The following FBLN2 variants were observed in gnomAD, a reference collection of about 807,000 sequenced individuals.
The protein encoded by FBLN2 is fibulin 2.
FBLN2 carries 81 observed loss-of-function variants against 123.7 expected under a neutral mutation model. That is an observed-to-expected ratio of 0.65 (90% confidence interval 0.55 to 0.79). The LOEUF is 0.79. Among genes scored for constraint, FBLN2 ranks in the 30% least tolerant of loss-of-function variants. The pLI is 0.00. For missense variants in FBLN2, 1,603 were observed against 1,681.3 expected (o/e 0.95, Z 0.81); for synonymous variants, 699 against 701.4 (o/e 1.00, Z 0.05).
intron 17 of FBLN2, 100 bp from the exon 18 acceptor site, chr3:13,637,462 C>G (rs1202925544): frequency 9.1e-7 from 1 of 1,101,132 alleles, no homozygotes; most frequent in Non-Finnish European, 1.3e-6. Context: ...AGGGAGAGAG[C>G]TGGCCCTTGA....
chr3:13,600,092 G>A (rs930609091), intron 2 of FBLN2, among the ~76,000 whole-genome samples: 15 of 89,722 alleles, frequency 1.7e-4, no homozygotes, highest in African/African-American at 3.0e-4. Context: ...CGCCAGGCAG[G>A]GGCTGGGGAC....
chr3:13,604,677 G>A (rs943825679), intron 2 of FBLN2, among the ~76,000 whole-genome samples: 5 of 152,226 alleles, frequency 3.3e-5, no homozygotes, highest in African/African-American at 1.2e-4. Flanking sequence ...ATTCAGTGGG[G>A]GATGTGTCTA....
intron 2 of FBLN2, among the ~76,000 whole-genome samples, chr3:13,591,554 C>T (rs566584276): frequency 3.7e-4 from 56 of 152,342 alleles, no homozygotes; most frequent in African/African-American, 1.3e-3. Context: ...TCCCAACGTG[C>T]TGGGGTTACA....
At chr3:13,568,269 A>G (rs1453916850) in intron 1 of FBLN2, among the ~76,000 whole-genome samples, 2 of 150,900 alleles carry the variant, frequency 1.3e-5, no homozygotes, top group African/African-American at 4.9e-5. Context: ...CGGTCACACA[A>G]CTCCCCCTTC....
Position 13,571,208 on chromosome 3 carries a change from G to A in FBLN2, c.853G>A (p.Glu285Lys), listed in dbSNP as rs1404687707. Reference protein sequence around the residue: ...EDSEEEEEEEEEREEMAVTEQ... With the variant: ...EDSEEEEEEEKEREEMAVTEQ... ...CAGTGAGGAGGAAGAAGAGGAGGAG[G>A]AGGAGAGAGAGGAAATGGCTGTCAC... The change falls in exon 2 of 18, where the codon GAG (glutamate) becomes AAG (lysine). Residue 285 changes from glutamate (E) to lysine (K), a missense_variant. Transcript: ENST00000404922. 6.4e-7 allele frequency: 1 copy of A among 1,569,566 alleles called. No homozygotes were observed. Among genetic ancestry groups the A allele is most frequent in the African/African-American group, 1.4e-5 (1 of 73,768 alleles).
chr3:13,598,406 C>T (rs995698189), intron 2 of FBLN2, among the ~76,000 whole-genome samples: 1 of 152,218 alleles, frequency 6.6e-6, no homozygotes, highest in Admixed American at 6.5e-5. Flanking sequence ...AACCACACAC[C>T]TGTGCTTCCA....
chr3:13,584,823 T>C (rs112669226), intron 2 of FBLN2, among the ~76,000 whole-genome samples: 1 of 152,320 alleles, frequency 6.6e-6, no homozygotes, highest in South Asian at 2.1e-4. Flanking sequence ...CTCAAGCTCA[T>C]CTCTGTGTGC....
intron 1 of FBLN2, among the ~76,000 whole-genome samples, chr3:13,552,731 C>T (rs924831565): frequency 4.0e-5 from 6 of 151,542 alleles, no homozygotes; most frequent in Admixed American, 6.6e-5. Flanking sequence ...TGTGTGGGGG[C>T]GGCCAGGGAG....
At position 13,570,642 on chromosome 3, in the gene FBLN2, C is replaced by CTG; in HGVS notation, c.288_289dup (p.Glu97ValfsTer30). Reference sequence around the variant, plus strand: ...TCCTATTTTGTGGACTTCGGGAGCACTGAGTGCTCCTGCCCACCAGGCGGC... The same window carrying CTG: ...TCCTATTTTGTGGACTTCGGGAGCACTGTGAGTGCTCCTGCCCACCAGGCGGC... On this transcript the variant is annotated frameshift_variant, in exon 2 of 18. Transcript: ENST00000404922. LOFTEE classifies it high-confidence loss of function. 1.3e-6 allele frequency: 2 copies of CTG among 1,582,632 alleles called. No individual in the cohort carries two copies. The highest frequency in any genetic ancestry group is 1.7e-6 in the Non-Finnish European group (2 of 1,165,840).
chr3:13,579,254 T>G (rs918847379), intron 2 of FBLN2, among the ~76,000 whole-genome samples: 4 of 152,184 alleles, frequency 2.6e-5, no homozygotes, highest in Admixed American at 1.3e-4. Flanking sequence ...GTTCATGAGA[T>G]TGCTCTAGAA....
intron 2 of FBLN2, among the ~76,000 whole-genome samples, chr3:13,583,813 G>C (rs1447586073): frequency 6.6e-6 from 1 of 152,222 alleles, no homozygotes; most frequent in Non-Finnish European, 1.5e-5. Context: ...TGGAGGAGTA[G>C]GGAGAGAGGG....
chr3:13,561,426 C>T (rs188174008), intron 1 of FBLN2, among the ~76,000 whole-genome samples: 2 of 152,240 alleles, frequency 1.3e-5, no homozygotes, highest in Admixed American at 1.3e-4. Flanking sequence ...TGTCCCCACC[C>T]CCCCGCCACC....
chr3:13,595,662 C>T (rs542789206), intron 2 of FBLN2, among the ~76,000 whole-genome samples: 1 of 152,298 alleles, frequency 6.6e-6, no homozygotes, highest in Non-Finnish European at 1.5e-5. Context: ...TGTCACCACC[C>T]TCCTGCCAGG....
chr3:13,632,063 T>C (rs1706276721), intron 16 of FBLN2, among the ~76,000 whole-genome samples: 1 of 152,212 alleles, frequency 6.6e-6, no homozygotes, highest in Non-Finnish European at 1.5e-5. Flanking sequence ...GAGGGGACTG[T>C]GTCCCTGGAT....
rs377251898 is a variant in FBLN2 at position 13,629,194 on chromosome 3, G to A, written c.2744G>A (p.Arg915His). 21 of 1,613,186 alleles carry A rather than the reference G, an allele frequency of 1.3e-5. No homozygotes were observed. The highest frequency in any genetic ancestry group is 1.7e-4 in the Middle Eastern group (1 of 6,060). ...DVNECETGVH[R>H]CGEGQVCHNL... ...AATGAGTGTGAGACAGGTGTGCACCGCTGCGGTGAGGGCCAAGTGTGCCAC... is the reference window on the plus strand; with the variant it reads ...AATGAGTGTGAGACAGGTGTGCACCACTGCGGTGAGGGCCAAGTGTGCCAC... Residue 915 changes from arginine (R) to histidine (H), a missense_variant, in exon 13 of 18, where the codon CGC becomes CAC. Physicochemically the swap from Arg to His is conservative, Grantham distance 29. Transcript: ENST00000404922.
Position 13,570,323 on chromosome 3 carries a change from A to G in FBLN2, c.-33A>G. 6.7e-7 allele frequency: 1 copy of G among 1,490,626 alleles called. No homozygotes were observed. The highest frequency in any genetic ancestry group is 2.5e-5 in the East Asian group (1 of 40,476). 92.3% of individuals were successfully genotyped at this position (1,490,626 alleles called of 1,614,324 possible). On this transcript the variant is annotated 5_prime_UTR_variant, in exon 2 of 18. Transcript: ENST00000404922. ...CTTTCTGATTCCCCCAGGGTCTTACAGGAGAGGGGACCGTCCTGGGCTGGC... is the reference window on the plus strand; with the variant it reads ...CTTTCTGATTCCCCCAGGGTCTTACGGGAGAGGGGACCGTCCTGGGCTGGC...
At chr3:13,620,555 A>G (rs2124896560) in intron 8 of FBLN2, among the ~76,000 whole-genome samples, 1 of 152,306 alleles carries the variant, frequency 6.6e-6, no homozygotes, top group African/African-American at 2.4e-5. Context: ...TCTGTGGGCC[A>G]GGACCCCCCA....
intron 2 of FBLN2, 66 bp from the exon 3 acceptor site, chr3:13,607,996 C>A (rs752979176): frequency 8.6e-6 from 11 of 1,276,010 alleles, no homozygotes; most frequent in Admixed American, 8.0e-5. Flanking sequence ...CCTGGACAGG[C>A]CCCTGCATAT....
rs929132887 is a variant in FBLN2, at chr3:13,631,322, C to T, written c.3086-7C>T. On this transcript the variant is annotated splice_region_variant and splice_polypyrimidine_tract_variant and intron_variant, in intron 15 of 17. Coordinates refer to ENST00000404922, the MANE Select transcript of FBLN2 (RefSeq NM_001004019.2). ...GGTTCACCAGGGGCTGAACCTCTCT[C>T]TGACAGACATCGACGAGTGTGCTCA... The T allele has an allele frequency of 5.6e-6, 9 of 1,600,984 alleles. No individual in the cohort carries two copies. The highest frequency in any genetic ancestry group is 7.7e-6 in the Non-Finnish European group (9 of 1,174,530).
Sources: allele counts gnomAD v4.1 joint callset (sites outside exome capture counted in the v4.1 genomes callset), GRCh38; gene constraint gnomAD v4.1.1; transcripts MANE v1.5; gene names NCBI Gene and HGNC (gene_info 2026-07-23, HGNC 2026-07-21).